TMC1: variants seen among roughly 807,000 people sequenced by gnomAD.
TMC1 encodes transmembrane channel-like protein 1.
In TMC1, 84 loss-of-function variants were observed where a neutral mutation model predicts 105.8. The observed-to-expected ratio is 0.79, with a 90% CI of 0.67 to 0.95. TMC1 has a LOEUF of 0.95. Ranked by LOEUF, TMC1 falls within the 40% of genes least tolerant of loss-of-function variation. TMC1 has a pLI of 0.00. For missense variants in TMC1, 817 were observed against 914.1 expected (o/e 0.89, Z 1.37); for synonymous variants, 315 against 311.5 (o/e 1.01, Z -0.12).
At chr9:72,833,420 T>C (rs1249984528) in intron 23 of TMC1, among the ~76,000 whole-genome samples, 1 of 152,240 alleles carries the variant, frequency 6.6e-6, no homozygotes, top group Non-Finnish European at 1.5e-5. Context: ...GAGAAATCTT[T>C]CCCAGAATCT....
At chr9:72,736,649 T>TC (rs1269997206) in intron 8 of TMC1, among the ~76,000 whole-genome samples, 7 of 152,332 alleles carry the variant, frequency 4.6e-5, no homozygotes, top group Non-Finnish European at 1.0e-4. Context: ...AAGAAGAATT[T>TC]CCATTTCTCT....
In TMC1 at chr9:72,639,750, A is replaced by G. The variant is rs115386575; in HGVS notation, c.-52-8847A>G. Among the ~76,000 whole-genome samples, 624 of 152,274 alleles carry G rather than the reference A, an allele frequency of 4.1e-3. 3 individuals carry two copies. Among genetic ancestry groups the G allele is most frequent in the African/African-American group, 0.014 (593 of 41,514 alleles). On this transcript the variant is annotated intron_variant, in intron 4 of 23. Transcript: ENST00000297784. Reference sequence around the variant, plus strand: ...CTAACACCAAAATTATCCTTTCTTAATTAAATAAGAAGGACTGCAATTATT... The same window carrying G: ...CTAACACCAAAATTATCCTTTCTTAGTTAAATAAGAAGGACTGCAATTATT...
chr9:72,740,284 G>GA (rs372053269), intron 9 of TMC1, 75 bp downstream of exon 9: 11 of 1,279,978 alleles, frequency 8.6e-6, no homozygotes, highest in Non-Finnish European at 1.2e-5. Flanking sequence ...CTAAAGGGGT[G>GA]AAAAAAATCT....
intron 17 of TMC1, 136 bp from the exon 18 acceptor site, chr9:72,805,246 C>G (rs1828551953): frequency 1.3e-6 from 1 of 750,438 alleles, no homozygotes; most frequent in Non-Finnish European, 2.3e-6. Context: ...CTTGATATGA[C>G]TAGTTGTTTT....
In TMC1 at chr9:72,836,016, G is replaced by A. The variant is rs756617297; in HGVS notation, c.*43G>A. Reference sequence around the variant, plus strand: ...CAGAAAAGGTACACTTTGCCTTGCTGTTTAAAAGTAATGCAATATGTGAAC... The same window carrying A: ...CAGAAAAGGTACACTTTGCCTTGCTATTTAAAAGTAATGCAATATGTGAAC... On this transcript the variant is annotated 3_prime_UTR_variant, in exon 24 of 24. Transcript: ENST00000297784. The A allele has an allele frequency of 1.9e-6, 3 of 1,573,524 alleles. No individual in the cohort carries two copies. Among genetic ancestry groups the A allele is most frequent in the Non-Finnish European group, 2.6e-6 (3 of 1,157,310 alleles).
intron 2 of TMC1, among the ~76,000 whole-genome samples, chr9:72,596,964 G>A (rs1452943097): frequency 6.6e-6 from 1 of 152,136 alleles, no homozygotes; most frequent in Non-Finnish European, 1.5e-5. Flanking sequence ...TTTTGTGATG[G>A]TGTAGAAGGC....
intron 1 of TMC1, among the ~76,000 whole-genome samples, chr9:72,562,889 G>GGA (rs1824081830): frequency 6.6e-6 from 1 of 152,142 alleles, no homozygotes; most frequent in African/African-American, 2.4e-5. Context: ...GGCTGAGGCA[G>GGA]GAGAATTGCT....
At chr9:72,672,404 G>A (rs779542753) in intron 5 of TMC1, among the ~76,000 whole-genome samples, 2 of 151,914 alleles carry the variant, frequency 1.3e-5, no homozygotes, top group Non-Finnish European at 2.9e-5. Context: ...TAAATGGTAA[G>A]AGAATAAACT....
chr9:72,614,409 G>T (rs569482829), intron 2 of TMC1, among the ~76,000 whole-genome samples: 1 of 152,168 alleles, frequency 6.6e-6, no homozygotes, highest in African/African-American at 2.4e-5. Context: ...GTGTTAAATG[G>T]ATTTAATTGC....
chr9:72,691,097 G>A (rs905531808), intron 6 of TMC1, among the ~76,000 whole-genome samples: 5 of 151,994 alleles, frequency 3.3e-5, no homozygotes, highest in Non-Finnish European at 7.4e-5. Flanking sequence ...CGAGTCTGCT[G>A]TTAGACCTCT....
intron 15 of TMC1, 87 bp downstream of exon 15, chr9:72,789,404 G>A: frequency 7.3e-7 from 1 of 1,363,464 alleles, no homozygotes; most frequent in Non-Finnish European, 1.0e-6. Flanking sequence ...CATTTAAAAA[G>A]GCCACCCTTT....
intron 5 of TMC1, 123 bp from the exon 6 acceptor site, chr9:72,688,586 T>A (rs1032698014): frequency 1.1e-6 from 1 of 914,152 alleles, no homozygotes. Context: ...TTTTGGCAAG[T>A]TTATGGAAAA....
intron 8 of TMC1, among the ~76,000 whole-genome samples, chr9:72,707,545 G>T (rs866440082): frequency 1.3e-5 from 2 of 152,026 alleles, no homozygotes; most frequent in African/African-American, 4.8e-5. Flanking sequence ...TTTTTTGGTC[G>T]TTTGTATATC....
At chr9:72,672,273 G>A (rs900901184) in intron 5 of TMC1, among the ~76,000 whole-genome samples, 1 of 149,466 alleles carries the variant, frequency 6.7e-6, no homozygotes, top group African/African-American at 2.5e-5. Context: ...TTTTTTTATT[G>A]TCTCGCTGAC....
At chr9:72,606,815 T>C (rs772156656) in intron 2 of TMC1, among the ~76,000 whole-genome samples, 2 of 152,258 alleles carry the variant, frequency 1.3e-5, no homozygotes, top group Admixed American at 1.3e-4. Context: ...TATTTACTTT[T>C]GCACTTACAA....
At chr9:72,775,174 C>T (rs1827987398) in intron 13 of TMC1, among the ~76,000 whole-genome samples, 1 of 152,056 alleles carries the variant, frequency 6.6e-6, no homozygotes, top group African/African-American at 2.4e-5. Context: ...CCTTTCAGTC[C>T]CCAACAAACA....
intron 2 of TMC1, among the ~76,000 whole-genome samples, chr9:72,579,255 C>T (rs1047213742): frequency 6.6e-6 from 1 of 152,160 alleles, no homozygotes; most frequent in Non-Finnish European, 1.5e-5. Context: ...TCTGGTTTCT[C>T]CTAACTCTGT....
At chr9:72,538,858 A>G (rs985108162) in intron 1 of TMC1, among the ~76,000 whole-genome samples, 1 of 152,090 alleles carries the variant, frequency 6.6e-6, no homozygotes. Flanking sequence ...TGTCAGTCAT[A>G]TGATCTCTGT....
rs928382535 is a variant in TMC1 at position 72,646,642 on chromosome 9, A to AT, written c.-52-1946dup. Among the ~76,000 whole-genome samples, 1,378 of 148,364 alleles carry AT rather than the reference A, an allele frequency of 9.3e-3. 25 individuals are homozygous for AT. Among genetic ancestry groups the AT allele is most frequent in the African/African-American group, 0.032 (1,284 of 40,416 alleles). On this transcript the variant is annotated intron_variant, in intron 4 of 23. Coordinates refer to ENST00000297784, the MANE Select transcript of TMC1 (RefSeq NM_138691.3). Reference sequence around the variant, plus strand: ...TTTTATTTTTATTTTTTATTTATTTATTTTTTTTTGAGATGGAGTCTCGCC... The same window carrying AT: ...TTTTATTTTTATTTTTTATTTATTTATTTTTTTTTTGAGATGGAGTCTCGCC...
Sources: allele counts gnomAD v4.1 joint callset (sites outside exome capture counted in the v4.1 genomes callset), GRCh38; gene constraint gnomAD v4.1.1; transcripts MANE v1.5; gene names NCBI Gene and HGNC (gene_info 2026-07-23, HGNC 2026-07-21).